The following CLIP1 variants were observed in gnomAD, a reference collection of about 807,000 sequenced individuals.
CLIP1 encodes the protein CAP-Gly domain containing linker protein 1.
CLIP1 carries 66 observed loss-of-function variants against 161.6 expected under a neutral mutation model. That is an observed-to-expected ratio of 0.41 (90% CI 0.33 to 0.50). CLIP1 has a LOEUF of 0.50. Among genes scored for constraint, CLIP1 ranks in the 20% least tolerant of loss-of-function variants. The pLI is 0.27. For missense variants in CLIP1, 1,376 were observed against 1,702.0 expected (o/e 0.81, Z 3.37); for synonymous variants, 598 against 626.2 (o/e 0.96, Z 0.67).
At chr12:122,386,200 C>T (rs12312090) in intron 1 of CLIP1, among the ~76,000 whole-genome samples, 11,524 of 151,904 alleles carry the variant, frequency 0.076, 1,437 homozygotes, top group African/African-American at 0.26. Context: ...TTAGGAGGAC[C>T]GCTTGAACCC....
chr12:122,297,089 T>C (rs1186663854), intron 20 of CLIP1, among the ~76,000 whole-genome samples: 2 of 152,078 alleles, frequency 1.3e-5, no homozygotes, highest in East Asian at 3.9e-4. Context: ...AAGAAAAATA[T>C]TTCAGAGAAC....
At chr12:122,417,811 C>G (rs1345127782) in intron 1 of CLIP1, among the ~76,000 whole-genome samples, 1 of 152,138 alleles carries the variant, frequency 6.6e-6, no homozygotes, top group Non-Finnish European at 1.5e-5. Flanking sequence ...CGCGCCCGGC[C>G]AAATTATTCT....
intron 9 of CLIP1, among the ~76,000 whole-genome samples, chr12:122,348,638 C>G (rs952301388): frequency 6.6e-6 from 1 of 152,096 alleles, no homozygotes; most frequent in African/African-American, 2.4e-5. Context: ...TACCTCTTCC[C>G]ACCCCCACCT....
At chr12:122,285,866 A>G (rs529052570) in intron 21 of CLIP1, among the ~76,000 whole-genome samples, 2 of 150,148 alleles carry the variant, frequency 1.3e-5, no homozygotes, top group African/African-American at 4.9e-5. Context: ...TTTTTTTTTT[A>G]AAAAAGAAAC....
At chr12:122,291,171 G>A (rs981312768) in intron 20 of CLIP1, among the ~76,000 whole-genome samples, 1 of 150,714 alleles carries the variant, frequency 6.6e-6, no homozygotes, top group African/African-American at 2.4e-5. Flanking sequence ...GGGATTACAG[G>A]TGTCAGCTTC....
At chr12:122,415,109 T>G (rs1335412968) in intron 1 of CLIP1, among the ~76,000 whole-genome samples, 1 of 151,978 alleles carries the variant, frequency 6.6e-6, no homozygotes, top group South Asian at 2.1e-4. Context: ...ACGCTGTTAA[T>G]AGTTTAAAGC....
chr12:122,325,315 C>A (rs889887810), intron 17 of CLIP1, among the ~76,000 whole-genome samples: 67 of 152,196 alleles, frequency 4.4e-4, no homozygotes, highest in African/African-American at 1.6e-3. Context: ...ACCTAGGCCT[C>A]CCGAAGTGCT....
chr12:122,349,936 T>C (rs1441305281), intron 9 of CLIP1, among the ~76,000 whole-genome samples: 1 of 151,684 alleles, frequency 6.6e-6, no homozygotes. Context: ...TGGAGTTTTG[T>C]TCTTGTTGTC....
At chr12:122,290,550 C>A (rs1956056671) in intron 20 of CLIP1, among the ~76,000 whole-genome samples, 1 of 151,892 alleles carries the variant, frequency 6.6e-6, no homozygotes, top group South Asian at 2.1e-4. Context: ...TTAAAAAAAT[C>A]AATACTTAAA....
rs1243116512 is a variant in CLIP1, at chr12:122,410,430, C to CAT, written c.-107+12089_-107+12090dup. On this transcript the variant is annotated intron_variant, in intron 1 of 25. Coordinates refer to ENST00000620786, the MANE Select transcript of CLIP1 (RefSeq NM_001247997.2). Reference sequence around the variant, plus strand: ...ATTTATTTATGTATACACACACACACATATATATACACACAGACACACACA... The same window carrying CAT: ...ATTTATTTATGTATACACACACACACATATATATATACACACAGACACACACA... 4.9e-3 allele frequency among the ~76,000 whole-genome samples: 730 copies of CAT among 149,040 alleles called. 5 individuals are homozygous for CAT. The highest frequency in any genetic ancestry group is 0.017 in the African/African-American group (669 of 40,500).
intron 2 of CLIP1, among the ~76,000 whole-genome samples, chr12:122,379,944 T>TAAAAAAAAAAAAAAAAAAA (rs10661606): frequency 4.0e-5 from 4 of 99,716 alleles, no homozygotes; most frequent in African/African-American, 1.1e-4. Context: ...ACTCCATCTT[T>TAAAAAAAAAAAAAAAAAAA]AAAAAAAAAA....
intron 19 of CLIP1, among the ~76,000 whole-genome samples, chr12:122,313,480 A>G (rs1167938979): frequency 1.3e-5 from 2 of 152,186 alleles, no homozygotes; most frequent in African/African-American, 4.8e-5. Flanking sequence ...TAATCCCAGT[A>G]CTTTGGGAGG....
At chr12:122,416,677 G>C (rs1280604162) in intron 1 of CLIP1, among the ~76,000 whole-genome samples, 1 of 152,068 alleles carries the variant, frequency 6.6e-6, no homozygotes, top group African/African-American at 2.4e-5. Flanking sequence ...GCAGTGGGTA[G>C]ATCACCTGAG....
At chr12:122,366,353 G>T (rs1294517872) in intron 3 of CLIP1, among the ~76,000 whole-genome samples, 1 of 150,876 alleles carries the variant, frequency 6.6e-6, no homozygotes, top group Non-Finnish European at 1.5e-5. Flanking sequence ...CAGTGTGGAA[G>T]TTCACACCTA....
chr12:122,359,010 TGAG>T (rs1375370767), intron 5 of CLIP1, among the ~76,000 whole-genome samples: 2 of 152,172 alleles, frequency 1.3e-5, no homozygotes, highest in Admixed American at 1.3e-4. Flanking sequence ...TGCAGTGCGC[TGAG>T]ATCGTGCCAC....
chr12:122,346,288 C>T (rs150216505), intron 10 of CLIP1, among the ~76,000 whole-genome samples: 6 of 152,250 alleles, frequency 3.9e-5, no homozygotes, highest in African/African-American at 1.4e-4. Flanking sequence ...ACTAATATTC[C>T]CTACCTCCTA....
chr12:122,388,716 G>C (rs1593223321), intron 1 of CLIP1, among the ~76,000 whole-genome samples: 1 of 152,082 alleles, frequency 6.6e-6, no homozygotes, highest in East Asian at 1.9e-4. Context: ...CTACAGGCGT[G>C]TGCGACCAAG....
intron 5 of CLIP1, among the ~76,000 whole-genome samples, chr12:122,358,023 G>A (rs1953570276): frequency 6.6e-6 from 1 of 152,250 alleles, no homozygotes; most frequent in Admixed American, 6.5e-5. Flanking sequence ...AAAAGATTGA[G>A]AAATCGAATG....
chr12:122,350,938 T>C, intron 9 of CLIP1, 173 bp downstream of exon 9: 1 of 455,462 alleles, frequency 2.2e-6, no homozygotes, highest in Non-Finnish European at 3.9e-6. Context: ...TTACATACAA[T>C]TTCTTCAGGA....
Sources: gnomAD v4.1 joint callset for allele counts (sites outside exome capture counted in the v4.1 genomes callset) on GRCh38, gnomAD v4.1.1 for gene constraint, MANE v1.5 for transcripts, NCBI Gene and HGNC (gene_info 2026-07-23, HGNC 2026-07-21) for gene names.